The following ABHD2 variants were observed in gnomAD, a reference collection of about 807,000 sequenced individuals.
The protein encoded by ABHD2 is abhydrolase domain containing 2, acylglycerol lipase, also known as monoacylglycerol lipase ABHD2.
Under a neutral mutation model 48.1 loss-of-function variants are expected in ABHD2, and 20 were observed. That is an observed-to-expected ratio of 0.42 (90% CI 0.29 to 0.60). The LOEUF (loss-of-function observed/expected upper bound fraction) is 0.60. ABHD2 is among the 20% of genes least tolerant of loss of function. The pLI, the probability that ABHD2 is intolerant of heterozygous loss-of-function variation, is 0.24. For missense variants in ABHD2, 405 were observed against 550.9 expected (o/e 0.74, Z 2.65); for synonymous variants, 209 against 214.2 (o/e 0.98, Z 0.21).
intron 1 of ABHD2, among the ~76,000 whole-genome samples, chr15:89,098,295 A>T (rs986921939): frequency 1.3e-5 from 2 of 152,168 alleles, no homozygotes; most frequent in Admixed American, 6.5e-5. Context: ...TCCTAGGATT[A>T]TGTGATTGTG....
chr15:89,050,928 A>G, the ABHD2 span, among the ~76,000 whole-genome samples: 2,864 of 152,108 alleles, frequency 0.019, 85 homozygotes, highest in African/African-American at 0.065. Flanking sequence ...TAAAATCTGG[A>G]AGATAAATTA....
the ABHD2 span, among the ~76,000 whole-genome samples, chr15:89,051,078 C>CA: frequency 3.9e-5 from 6 of 152,092 alleles, no homozygotes; most frequent in Admixed American, 6.5e-5. Context: ...ACTAAAAATA[C>CA]AAAAATTAGC....
At chr15:89,144,766 G>C (rs2050465017) in intron 3 of ABHD2, among the ~76,000 whole-genome samples, 1 of 152,182 alleles carries the variant, frequency 6.6e-6, no homozygotes, top group Non-Finnish European at 1.5e-5. Flanking sequence ...ACTAGATAGA[G>C]GTGATGAGTG....
the ABHD2 span, among the ~76,000 whole-genome samples, chr15:89,042,587 C>CTTATTTATTTATTTATTTAT: frequency 3.5e-5 from 5 of 142,010 alleles, no homozygotes; most frequent in East Asian, 2.1e-4. Flanking sequence ...TTCTTTCTTT[C>CTTATTTATTTATTTATTTAT]TTATTTATTT....
At chr15:89,132,258 T>C (rs1228324358) in intron 3 of ABHD2, among the ~76,000 whole-genome samples, 1 of 152,150 alleles carries the variant, frequency 6.6e-6, no homozygotes, top group Non-Finnish European at 1.5e-5. Context: ...TCAGTTTCTG[T>C]CTGTAAAGGG....
chr15:89,071,129 T>C, the ABHD2 span, among the ~76,000 whole-genome samples: 32,399 of 151,894 alleles, frequency 0.21, 4,421 homozygotes, highest in African/African-American at 0.37. Context: ...AAATAAGACA[T>C]GGGGTTTTGG....
At chr15:89,156,914 TA>T (rs1437104318) in intron 5 of ABHD2, among the ~76,000 whole-genome samples, 9 of 152,300 alleles carry the variant, frequency 5.9e-5, no homozygotes, top group Admixed American at 5.9e-4. Flanking sequence ...GGGAAATAAC[TA>T]AAAATTATAT....
the ABHD2 span, among the ~76,000 whole-genome samples, chr15:89,048,628 C>CT: frequency 6.6e-6 from 1 of 152,092 alleles, no homozygotes; most frequent in Non-Finnish European, 1.5e-5. Context: ...AACTTCCCTT[C>CT]TCTCTTCATT....
At chr15:89,140,553 A>G (rs2050385907) in intron 3 of ABHD2, among the ~76,000 whole-genome samples, 1 of 151,960 alleles carries the variant, frequency 6.6e-6, no homozygotes, top group Non-Finnish European at 1.5e-5. Flanking sequence ...ACTTATGCAA[A>G]TTCAACTCTA....
chr15:89,113,114 C>T (rs1409874997), intron 1 of ABHD2, among the ~76,000 whole-genome samples: 2 of 152,164 alleles, frequency 1.3e-5, no homozygotes, highest in Non-Finnish European at 1.5e-5. Context: ...GCTCAGGTCC[C>T]CCATCTGACA....
chr15:89,077,969 A>G, the ABHD2 span, among the ~76,000 whole-genome samples: 1 of 152,162 alleles, frequency 6.6e-6, no homozygotes, highest in Non-Finnish European at 1.5e-5. Context: ...CTCCCTTTCT[A>G]GTAATGATGT....
At chr15:89,169,858 TA>T (rs2050892378) in intron 5 of ABHD2, among the ~76,000 whole-genome samples, 1 of 152,162 alleles carries the variant, frequency 6.6e-6, no homozygotes, top group African/African-American at 2.4e-5. Context: ...AAAGGCTACA[TA>T]CAATGAGTGA....
intron 3 of ABHD2, among the ~76,000 whole-genome samples, chr15:89,149,299 A>G (rs796926846): frequency 3.9e-5 from 6 of 152,316 alleles, no homozygotes; most frequent in African/African-American, 1.4e-4. Context: ...TAGGCTGGAA[A>G]GAGGACAGTC....
chr15:89,127,189 C>T (rs1298776436), intron 3 of ABHD2, among the ~76,000 whole-genome samples: 2 of 152,092 alleles, frequency 1.3e-5, no homozygotes, highest in African/African-American at 2.4e-5. Context: ...ATGAGTCAGC[C>T]ATTGTGGCAG....
At chr15:89,140,991 CAG>C (rs2050393824) in intron 3 of ABHD2, among the ~76,000 whole-genome samples, 1 of 150,864 alleles carries the variant, frequency 6.6e-6, no homozygotes, top group Non-Finnish European at 1.5e-5. Flanking sequence ...TTTTGTTGGA[CAG>C]AGTCTTACTC....
the ABHD2 span, among the ~76,000 whole-genome samples, chr15:89,062,077 C>T: frequency 3.9e-5 from 6 of 152,036 alleles, no homozygotes; most frequent in East Asian, 1.9e-4. Context: ...TTTAAGCTCA[C>T]GGCTACCACC....
At chr15:89,127,717 A>ATATATATATATATG (rs1388338798) in intron 3 of ABHD2, among the ~76,000 whole-genome samples, 1 of 87,346 alleles carries the variant, frequency 1.1e-5, no homozygotes, top group African/African-American at 6.1e-5. Context: ...ATATATATAT[A>ATATATATATATATG]TACACATATA....
Position 89,189,364 on chromosome 15 carries a change from A to G in ABHD2, c.926+1061A>G, listed in dbSNP as rs914347139. 2.0e-5 allele frequency among the ~76,000 whole-genome samples: 3 copies of G among 152,072 alleles called. No individual in the cohort carries two copies. Among genetic ancestry groups the G allele is most frequent in the African/African-American group, 7.2e-5 (3 of 41,386 alleles). On this transcript the variant is annotated intron_variant, in intron 8 of 10. Coordinates refer to ENST00000352732, the MANE Select transcript of ABHD2 (RefSeq NM_152924.5). The surrounding 1 kb of genome is among the most constrained non-coding windows in gnomAD (Gnocchi z 4.9). ...TAAAAATAGCCGGGCATAGTGGCAC[A>G]CACCTGTAGTCCCAGCTGCTTAGGA...
At chr15:89,050,598 G>T in the ABHD2 span, among the ~76,000 whole-genome samples, 527 of 152,328 alleles carry the variant, frequency 3.5e-3, 3 homozygotes, top group African/African-American at 0.011. Context: ...GATCCAATCT[G>T]TTCCCGTTTT....
Sources: gnomAD v4.1 joint callset for allele counts (sites outside exome capture counted in the v4.1 genomes callset) on GRCh38, gnomAD v4.1.1 for gene constraint, Gnocchi (gnomAD v3.1) non-coding constraint, MANE v1.5 for transcripts, NCBI Gene and HGNC (gene_info 2026-07-23, HGNC 2026-07-21) for gene names.